Variants in RHOBTB3 observed in about 807,000 individuals in gnomAD.
RHOBTB3 encodes rho-related BTB domain-containing protein 3.
RHOBTB3 carries 47 observed loss-of-function variants against 67.2 expected under a neutral mutation model. The observed-to-expected ratio is 0.70, with a 90% CI of 0.55 to 0.89. The LOEUF (loss-of-function observed/expected upper bound fraction) is 0.89. RHOBTB3 is among the 40% of genes least tolerant of loss of function. The pLI is 0.00. For synonymous variants in RHOBTB3, 273 were observed against 274.2 expected (o/e 1.00, Z 0.04); for missense variants, 631 against 750.0 (o/e 0.84, Z 1.85).
chr5:95,770,720 C>T, intron 8 of RHOBTB3: 1 of 429,292 alleles, frequency 2.3e-6, no homozygotes, highest in African/African-American at 2.0e-5. Flanking sequence ...TAGAATAGGG[C>T]TTGACATTTA....
chr5:95,726,509 A>C (rs1298138447), upstream of RHOBTB3, among the ~76,000 whole-genome samples: 1 of 152,262 alleles, frequency 6.6e-6, no homozygotes, highest in African/African-American at 2.4e-5. Context: ...TAACTATAAT[A>C]TGCACTTAGG....
chr5:95,762,593 C>T (rs952751656), intron 6 of RHOBTB3, among the ~76,000 whole-genome samples: 1 of 151,310 alleles, frequency 6.6e-6, no homozygotes, highest in Non-Finnish European at 1.5e-5. Context: ...ACTATACCGC[C>T]CACACTAGGC....
rs546104368 is a variant in RHOBTB3, at chr5:95,761,484, A to G, written c.1049-2024A>G. On this transcript the variant is annotated intron_variant, in intron 6 of 11. Transcript: ENST00000379982. ...CAGCCTCCCAGGTAGCTGGGATTAC[A>G]GGCAGACGCCACCATGCCCAGCTAA... 3.1e-4 allele frequency among the ~76,000 whole-genome samples: 47 copies of G among 152,192 alleles called. 1 individual carries two copies. The East Asian group carries it at 7.7e-3, about 25-fold the overall frequency.
chr5:95,760,345 A>G (rs1289015055), intron 6 of RHOBTB3, among the ~76,000 whole-genome samples: 1 of 152,196 alleles, frequency 6.6e-6, no homozygotes, highest in Non-Finnish European at 1.5e-5. Context: ...ATAATACTTG[A>G]TACAGTGTTA....
intron 1 of RHOBTB3, among the ~76,000 whole-genome samples, chr5:95,721,834 C>G (rs1754891909): frequency 6.6e-6 from 1 of 151,956 alleles, no homozygotes; most frequent in Non-Finnish European, 1.5e-5. Context: ...AATGTTTCAG[C>G]TAGGTGATCT....
rs1195595329 is a variant in RHOBTB3 at position 95,735,738 on chromosome 5, G to A, written c.229-1151G>A. On this transcript the variant is annotated intron_variant, in intron 2 of 11. Coordinates refer to ENST00000379982, the MANE Select transcript of RHOBTB3 (RefSeq NM_014899.4). ...AACTACTTGTACATTATTTGGTAGT[G>A]GAGTTAAGATACCTAAAGATATTTT... Among the ~76,000 whole-genome samples the A allele has an allele frequency of 2.0e-5, 3 of 152,168 alleles. No homozygotes were observed. The East Asian group carries it at 5.8e-4, about 29-fold the overall frequency.
chr5:95,757,742 T>A (rs576140221), intron 6 of RHOBTB3, among the ~76,000 whole-genome samples: 1 of 152,304 alleles, frequency 6.6e-6, no homozygotes, highest in East Asian at 1.9e-4. Flanking sequence ...GGAAAAAGCA[T>A]AAATTAAGCA....
intron 8 of RHOBTB3, 21 bp downstream of exon 8, chr5:95,768,187 A>C (rs1561450887): frequency 6.3e-7 from 1 of 1,588,676 alleles, no homozygotes; most frequent in Non-Finnish European, 8.5e-7. Context: ...ACTTTTACAA[A>C]GTTTATGATT....
rs1746144979 is a variant in RHOBTB3, at chr5:95,783,964, G to A, written c.1623+1G>A. On this transcript the variant is annotated splice_donor_variant, in intron 10 of 11. Transcript: ENST00000379982. LOFTEE classifies it high-confidence loss of function. Reference sequence around the variant, plus strand: ...AGTTGACCTGCTTAAAAAGGCCAAGGTAATTGACTCTGTGTATCTGATAGC... The same window carrying A: ...AGTTGACCTGCTTAAAAAGGCCAAGATAATTGACTCTGTGTATCTGATAGC... 5 of 1,606,806 alleles carry A rather than the reference G, an allele frequency of 3.1e-6. No individual in the cohort carries two copies. The highest frequency in any genetic ancestry group is 4.3e-6 in the Non-Finnish European group (5 of 1,175,074).
upstream of RHOBTB3, among the ~76,000 whole-genome samples, chr5:95,726,910 G>A (rs1755070719): frequency 6.6e-6 from 1 of 151,888 alleles, no homozygotes; most frequent in African/African-American, 2.4e-5. Context: ...TCAACCTGGG[G>A]TACCAGCATC....
At chr5:95,769,882 T>C (rs1025200107) in intron 8 of RHOBTB3, 1 of 331,352 alleles carries the variant, frequency 3.0e-6, no homozygotes, top group Non-Finnish European at 5.8e-6. Flanking sequence ...GGAGAAGCTC[T>C]ATGAACCTTC....
intron 9 of RHOBTB3, chr5:95,781,723 G>A (rs1746051442): frequency 1.3e-5 from 2 of 152,308 alleles, no homozygotes; most frequent in East Asian, 1.9e-4. Flanking sequence ...GGTGACGTGT[G>A]CCTGTAATCC....
chr5:95,749,319 A>G (rs1745022114), intron 4 of RHOBTB3, among the ~76,000 whole-genome samples: 1 of 152,258 alleles, frequency 6.6e-6, no homozygotes, highest in African/African-American at 2.4e-5. Context: ...AATACGCCCC[A>G]ATATTCATTA....
At chr5:95,731,305 T>A, upstream of RHOBTB3, 1 of 1,044,336 alleles carries the variant, frequency 9.6e-7, no homozygotes, top group Non-Finnish European at 1.1e-6. Flanking sequence ...CCCCCTTCTC[T>A]GCTTAGAGGA....
At chr5:95,788,382 T>C (rs1488933274) in intron 10 of RHOBTB3, among the ~76,000 whole-genome samples, 1 of 152,254 alleles carries the variant, frequency 6.6e-6, no homozygotes, top group Non-Finnish European at 1.5e-5. Flanking sequence ...TGAACTTGTT[T>C]TAACATTGCT....
At chr5:95,785,176 A>G (rs1017380223) in intron 10 of RHOBTB3, among the ~76,000 whole-genome samples, 1 of 152,242 alleles carries the variant, frequency 6.6e-6, no homozygotes, top group African/African-American at 2.4e-5. Flanking sequence ...TGTTTATAGA[A>G]GGGAATTTAT....
chr5:95,732,333 CTG>C (rs1755309386), intron 2 of RHOBTB3: 1 of 595,242 alleles, frequency 1.7e-6, no homozygotes, highest in Non-Finnish European at 3.0e-6. Flanking sequence ...CACTTCACGA[CTG>C]TGGGTTGACC....
At chr5:95,721,165 C>A (rs1191764010) in intron 1 of RHOBTB3, among the ~76,000 whole-genome samples, 1 of 152,216 alleles carries the variant, frequency 6.6e-6, no homozygotes, top group Non-Finnish European at 1.5e-5. Context: ...ATTTACGTTG[C>A]AGCCTGAATG....
chr5:95,775,412 A>ATATATATATATGTGTATATATATATAG (rs1554068743), intron 8 of RHOBTB3, among the ~76,000 whole-genome samples: 1 of 148,648 alleles, frequency 6.7e-6, no homozygotes, highest in African/African-American at 2.4e-5. Context: ...ATGTGTATAT[A>ATATATATATATGTGTATATATATATAG]TATATATATA....
Sources: allele counts gnomAD v4.1 joint callset (sites outside exome capture counted in the v4.1 genomes callset), GRCh38; gene constraint gnomAD v4.1.1; transcripts MANE v1.5; gene names NCBI Gene and HGNC (gene_info 2026-07-23, HGNC 2026-07-21).